DOCK7: variants seen among roughly 807,000 people sequenced by gnomAD.
DOCK7 encodes dedicator of cytokinesis 7.
A neutral mutation model predicts 271.0 loss-of-function variants in DOCK7; 138 were observed. The ratio of observed to expected loss-of-function variants is 0.51; its 90% CI spans 0.44 to 0.59. The LOEUF (loss-of-function observed/expected upper bound fraction) is 0.59. Among genes scored for constraint, DOCK7 ranks in the 20% least tolerant of loss-of-function variants. The probability of loss-of-function intolerance (pLI) is 0.00; values close to 1 mark genes in which losing one functional copy is unlikely to be tolerated. For synonymous variants in DOCK7, 823 were observed against 876.1 expected (o/e 0.94, Z 1.07); for missense variants, 2,066 against 2,592.4 (o/e 0.80, Z 4.41).
At chr1:62,508,266 T>C (rs902461964) in intron 34 of DOCK7, among the ~76,000 whole-genome samples, 3 of 151,952 alleles carry the variant, frequency 2.0e-5, no homozygotes, top group African/African-American at 7.3e-5. Flanking sequence ...TCTCACCCCA[T>C]TACAGAAGTG....
chr1:62,647,176 C>A (rs1656775972), intron 7 of DOCK7, among the ~76,000 whole-genome samples: 1 of 152,108 alleles, frequency 6.6e-6, no homozygotes, highest in Non-Finnish European at 1.5e-5. Context: ...ATTAACATGA[C>A]AGCATGAAAT....
At chr1:62,625,193 C>G in intron 12 of DOCK7, 66 bp downstream of exon 12, 1 of 1,555,316 alleles carries the variant, frequency 6.4e-7, no homozygotes, top group East Asian at 2.3e-5. Context: ...CAATCACTAC[C>G]TTTCTGAAAT....
At chr1:62,577,008 C>T (rs886326226) in intron 18 of DOCK7, among the ~76,000 whole-genome samples, 1 of 152,062 alleles carries the variant, frequency 6.6e-6, no homozygotes, top group Non-Finnish European at 1.5e-5. Context: ...TTTGAGTTTA[C>T]ATTCCATGTA....
intron 48 of DOCK7, among the ~76,000 whole-genome samples, chr1:62,462,867 A>AG (rs1316066495): frequency 6.8e-6 from 1 of 147,294 alleles, no homozygotes; most frequent in Non-Finnish European, 1.5e-5. Context: ...CTGGGATTAC[A>AG]GGCACTCACC....
intron 43 of DOCK7, 48 bp downstream of exon 43, chr1:62,487,350 G>C: frequency 6.3e-7 from 1 of 1,581,858 alleles, no homozygotes; most frequent in East Asian, 2.2e-5. Flanking sequence ...TAAGAAATCT[G>C]ATAAAATCAA....
Position 62,489,075 on chromosome 1 carries a change from A to C in DOCK7, c.5362-10T>G, listed in dbSNP as rs1646381504. On this transcript the variant is annotated splice_polypyrimidine_tract_variant and intron_variant, in intron 41 of 49. Coordinates refer to ENST00000635253, the MANE Select transcript of DOCK7 (RefSeq NM_001367561.1). ...CTTCATACATGCCAGCCTATAAGAA[A>C]AAATTTTGTTAAGATGTTGCTTTCT... is the stretch of plus-strand genomic sequence containing the variant. The C allele has an allele frequency of 1.3e-6, 2 of 1,549,536 alleles. No individual in the cohort carries two copies. Among genetic ancestry groups the C allele is most frequent in the Non-Finnish European group, 1.7e-6 (2 of 1,151,038 alleles).
At chr1:62,569,844 G>A (rs976446879) in intron 18 of DOCK7, among the ~76,000 whole-genome samples, 3 of 151,868 alleles carry the variant, frequency 2.0e-5, no homozygotes, top group African/African-American at 7.3e-5. Flanking sequence ...CTCTCTAGTA[G>A]CTGGGATTAC....
rs763942887 is a variant in DOCK7 at position 62,648,155 on chromosome 1, T to G, written c.683A>C (p.Lys228Thr). The change falls in exon 6 of 50, where the codon AAA becomes ACA. Residue 228 changes from lysine (K) to threonine (T), a missense_variant. By Grantham distance (78) the Lys-to-Thr change is moderately conservative. Around this residue, in one of 2 missense-constraint regions of DOCK7, gnomAD observed 1,414 missense variants for 1,670.4 expected, o/e 0.85. Coordinates refer to ENST00000635253, the MANE Select transcript of DOCK7 (RefSeq NM_001367561.1). ...AAAAAGTTCTTTGTGACGGTTTGATTTCCTTTGGTCATCATTCTGACGGTC... is the reference window on the plus strand; with the variant it reads ...AAAAAGTTCTTTGTGACGGTTTGATGTCCTTTGGTCATCATTCTGACGGTC... Reference protein sequence around the residue: ...EIDRQNDDQRKSNRHKELFAL... With the variant: ...EIDRQNDDQRTSNRHKELFAL... The G allele has an allele frequency of 6.2e-7, 1 of 1,613,600 alleles. No individual in the cohort carries two copies. Among genetic ancestry groups the G allele is most frequent in the Admixed American group, 1.7e-5 (1 of 60,020 alleles).
intron 8 of DOCK7, among the ~76,000 whole-genome samples, chr1:62,635,895 G>A (rs1205398164): frequency 6.6e-6 from 1 of 152,038 alleles, no homozygotes; most frequent in South Asian, 2.1e-4. Flanking sequence ...AATTACAGAT[G>A]TGAGCCACAA....
At chr1:62,627,945 G>T (rs889472551) in intron 11 of DOCK7, 7 of 151,814 alleles carry the variant, frequency 4.6e-5, no homozygotes, top group African/African-American at 1.7e-4. Context: ...CAGGATAAAA[G>T]CTGGAAGACC....
intron 14 of DOCK7, among the ~76,000 whole-genome samples, chr1:62,594,832 C>T (rs752688710): frequency 3.3e-5 from 5 of 152,104 alleles, no homozygotes; most frequent in Non-Finnish European, 5.9e-5. Context: ...GAAGCTGGCC[C>T]ATCTATATTC....
In DOCK7 at chr1:62,455,327, C is replaced by T. The variant is rs1197178449; in HGVS notation, c.*87G>A. On this transcript the variant is annotated 3_prime_UTR_variant, in exon 50 of 50. Coordinates refer to ENST00000635253, the MANE Select transcript of DOCK7 (RefSeq NM_001367561.1). ...CAATGAATAATAATTTCCAGAATTC[C>T]ATTCCATGTTGTTTTCCAATAGATC... 2.4e-5 allele frequency: 33 copies of T among 1,394,876 alleles called. No homozygotes were observed. The highest frequency in any genetic ancestry group is 3.1e-5 in the Non-Finnish European group (31 of 987,902). 86.4% of individuals were successfully genotyped at this position (1,394,876 alleles called of 1,614,324 possible).
intron 12 of DOCK7, among the ~76,000 whole-genome samples, chr1:62,622,648 C>T (rs937188999): frequency 6.6e-6 from 1 of 151,836 alleles, no homozygotes; most frequent in Non-Finnish European, 1.5e-5. Context: ...GAAACAAGGT[C>T]GGCCAGGCAC....
At chr1:62,471,371 G>A (rs1645825922) in intron 48 of DOCK7, among the ~76,000 whole-genome samples, 1 of 152,140 alleles carries the variant, frequency 6.6e-6, no homozygotes, top group African/African-American at 2.4e-5. Flanking sequence ...CAATAAAAAT[G>A]TTCATGTAGG....
intron 43 of DOCK7, chr1:62,485,020 G>T: frequency 2.5e-6 from 1 of 406,594 alleles, no homozygotes; most frequent in Non-Finnish European, 3.3e-6. Flanking sequence ...TACAGTCCTA[G>T]CTACTCGGGA....
At chr1:62,573,555 G>A (rs986789167) in intron 18 of DOCK7, among the ~76,000 whole-genome samples, 1 of 152,104 alleles carries the variant, frequency 6.6e-6, no homozygotes, top group Admixed American at 6.5e-5. Context: ...ACATATAGCA[G>A]AAACACTAAA....
chr1:62,601,854 T>C, intron 14 of DOCK7: 1 of 1,609,452 alleles, frequency 6.2e-7, no homozygotes, highest in Non-Finnish European at 8.5e-7. Flanking sequence ...ACTCTCAAGT[T>C]TTTCATGTCT....
At position 62,688,248 on chromosome 1, in the gene DOCK7, G is replaced by A. The variant is rs909614075; in HGVS notation, c.17C>T (p.Ala6Val). The part of the protein sequence containing the change: MAERR[A>V]FAQKISRTVA... Reference sequence around the variant, plus strand: ...TTACCTGCTGATCTTCTGGGCGAAGGCGCGGCGCTCGGCCATGGCTGCTGC... The same window carrying A: ...TTACCTGCTGATCTTCTGGGCGAAGACGCGGCGCTCGGCCATGGCTGCTGC... Residue 6 changes from alanine to valine, a missense_variant, in exon 1 of 50, where the codon GCC becomes GTC. Transcript: ENST00000635253. 3 of 1,368,734 alleles carry A rather than the reference G, an allele frequency of 2.2e-6. No homozygotes were observed. The highest frequency in any genetic ancestry group is 2.9e-6 in the Non-Finnish European group (3 of 1,046,980). 84.8% of individuals were successfully genotyped at this position (1,368,734 alleles called of 1,614,324 possible).
At chr1:62,544,042 T>G (rs1645621960) in intron 23 of DOCK7, among the ~76,000 whole-genome samples, 2 of 152,104 alleles carry the variant, frequency 1.3e-5, no homozygotes, top group South Asian at 4.1e-4. Context: ...TCTATATACA[T>G]GCACATATCT....
Sources: allele counts gnomAD v4.1 joint callset (sites outside exome capture counted in the v4.1 genomes callset), GRCh38; gene constraint gnomAD v4.1.1; regional missense constraint gnomAD v4.1.1; transcripts MANE v1.5; gene names NCBI Gene and HGNC (gene_info 2026-07-23, HGNC 2026-07-21).